Variants in CAPN8 observed in about 807,000 individuals in gnomAD.
CAPN8 encodes the protein calpain 8, also known as calpain-8.
CAPN8 carries 87 observed loss-of-function variants against 80.9 expected under a neutral mutation model. That is an observed-to-expected ratio of 1.07 (90% CI 0.90 to 1.28). The LOEUF is 1.28. CAPN8 is among the 50% of genes most tolerant of loss of function. The pLI is 0.00. For missense variants in CAPN8, 757 were observed against 702.0 expected (o/e 1.08, Z -0.89); for synonymous variants, 299 against 273.8 (o/e 1.09, Z -0.91).
At chr1:223,657,530 G>A (rs954827458) in intron 1 of CAPN8, among the ~76,000 whole-genome samples, 3 of 152,096 alleles carry the variant, frequency 2.0e-5, no homozygotes, top group South Asian at 2.1e-4. Flanking sequence ...ACTTTGAGAG[G>A]CCAAAGTGTG....
chr1:223,617,403 A>G (rs2102702711), intron 9 of CAPN8: 3 of 151,684 alleles, frequency 2.0e-5, no homozygotes, highest in Non-Finnish European at 4.4e-5. Context: ...CCCATAGGAG[A>G]TGGAAAAAAA....
chr1:223,642,381 A>G (rs2102725931), intron 2 of CAPN8, among the ~76,000 whole-genome samples: 1 of 152,316 alleles, frequency 6.6e-6, no homozygotes, highest in East Asian at 1.9e-4. Context: ...TACATATAAT[A>G]AGGCACACTA....
chr1:223,665,184 T>C (rs923207320), intron 1 of CAPN8, among the ~76,000 whole-genome samples: 2 of 151,464 alleles, frequency 1.3e-5, no homozygotes, highest in Non-Finnish European at 2.9e-5. Context: ...ACCCAGGAGG[T>C]AGAGGTTGCA....
chr1:223,556,291 G>A (rs1312265875), intron 13 of CAPN8, among the ~76,000 whole-genome samples: 3 of 152,178 alleles, frequency 2.0e-5, no homozygotes, highest in Non-Finnish European at 4.4e-5. Context: ...GACATTATCT[G>A]TGTATTCTGG....
At chr1:223,632,367 G>GGTTTT (rs71572867) in intron 2 of CAPN8, among the ~76,000 whole-genome samples, 3,564 of 151,650 alleles carry the variant, frequency 0.024, 129 homozygotes, top group African/African-American at 0.08. Flanking sequence ...TTGGAGCATA[G>GGTTTT]GTTTTGTTTT....
rs1657175762 is a variant in CAPN8, at chr1:223,616,127, G to T, written c.1154C>A (p.Pro385His). The T allele has an allele frequency of 3.2e-6, 5 of 1,551,392 alleles. No individual in the cohort carries two copies. The highest frequency in any genetic ancestry group is 4.4e-6 in the Non-Finnish European group (5 of 1,146,760). Residue 385 changes from proline (P) to histidine (H), a missense_variant, in exon 10 of 21, where the codon CCC becomes CAC. Physicochemically the swap from Pro to His is moderately conservative, Grantham distance 77. Transcript: ENST00000366872. ...TTCATCCAAACGGATTTTGAACTGG[G>T]GATTGGTCCAGTACGTGGCTGGAAG... is the stretch of plus-strand genomic sequence containing the variant. ...QNYPATYWTN[P>H]QFKIRLDEVD...
At position 223,628,051 on chromosome 1, in the gene CAPN8, C is replaced by T; in HGVS notation, c.518G>A (p.Gly173Asp). 6.4e-7 allele frequency: 1 copy of T among 1,551,238 alleles called. No homozygotes were observed. The highest frequency in any genetic ancestry group is 8.7e-7 in the Non-Finnish European group (1 of 1,146,720). Residue 173 changes from glycine to aspartate, a missense_variant, in exon 4 of 21, where the codon GGC (glycine) becomes GAC (aspartate). By Grantham distance (94) the Gly-to-Asp change is moderately conservative. Coordinates refer to ENST00000366872, the MANE Select transcript of CAPN8 (RefSeq NM_001143962.2). ...GQLLFLHSEQGNEFWSALLEK... is the reference protein window; with the variant it reads ...GQLLFLHSEQDNEFWSALLEK... ...CAGCAGGGCACTCCAGAATTCATTG[C>T]CTTGTTCCGAGTGTAGGAAGAGCAG... is the stretch of plus-strand genomic sequence containing the variant.
At chr1:223,652,693 G>T (rs1471488296) in intron 2 of CAPN8, among the ~76,000 whole-genome samples, 1 of 152,068 alleles carries the variant, frequency 6.6e-6, no homozygotes, top group Non-Finnish European at 1.5e-5. Flanking sequence ...ACTGGCAAAG[G>T]CTCAGTCTGC....
At chr1:223,625,755 C>G in intron 6 of CAPN8, 50 bp downstream of exon 6, 2 of 1,473,766 alleles carry the variant, frequency 1.4e-6, no homozygotes, top group Non-Finnish European at 1.9e-6. Flanking sequence ...GGCTTGGATT[C>G]ATGGAAATAT....
chr1:223,620,445 G>A (rs34961910), intron 7 of CAPN8, among the ~76,000 whole-genome samples, 179 bp from the exon 8 acceptor site: 5 of 152,188 alleles, frequency 3.3e-5, no homozygotes, highest in Non-Finnish European at 5.9e-5. Flanking sequence ...AAGGGACACA[G>A]ACCCAGGACA....
chr1:223,662,037 TATTATG>T (rs1658658752), intron 1 of CAPN8, among the ~76,000 whole-genome samples: 1 of 152,250 alleles, frequency 6.6e-6, no homozygotes. Flanking sequence ...ATCTTGAGGA[TATTATG>T]CTAAGTGAGT....
At chr1:223,630,901 C>T (rs1183385765) in intron 2 of CAPN8, among the ~76,000 whole-genome samples, 1 of 152,108 alleles carries the variant, frequency 6.6e-6, no homozygotes, top group African/African-American at 2.4e-5. Context: ...ACACAGTGTC[C>T]TCCTCCCACC....
chr1:223,655,196 G>A (rs1316381643), intron 1 of CAPN8, among the ~76,000 whole-genome samples: 2 of 152,200 alleles, frequency 1.3e-5, no homozygotes, highest in South Asian at 2.1e-4. Context: ...GTGGGCACTC[G>A]TTAAAGTCTT....
At chr1:223,649,289 C>T (rs1436141598) in intron 2 of CAPN8, among the ~76,000 whole-genome samples, 9 of 152,238 alleles carry the variant, frequency 5.9e-5, no homozygotes, top group African/African-American at 1.7e-4. Flanking sequence ...CCTGTGGATG[C>T]ACTCAGGTAA....
At chr1:223,612,097 C>T in intron 11 of CAPN8, 149 bp downstream of exon 11, 1 of 557,554 alleles carries the variant, frequency 1.8e-6, no homozygotes, top group Non-Finnish European at 2.7e-6. Flanking sequence ...TACCAGCCTA[C>T]TCATGTGGTT....
intron 2 of CAPN8, among the ~76,000 whole-genome samples, chr1:223,642,311 G>A (rs371815657): frequency 9.7e-4 from 148 of 152,272 alleles, no homozygotes; most frequent in African/African-American, 3.4e-3. Flanking sequence ...CAATGGTAAC[G>A]TGACTCATTT....
intron 2 of CAPN8, among the ~76,000 whole-genome samples, chr1:223,643,186 C>T (rs1360559692): frequency 3.3e-5 from 5 of 152,206 alleles, no homozygotes; most frequent in African/African-American, 1.2e-4. Context: ...CCAGCCATGG[C>T]TGAAATACAC....
intron 2 of CAPN8, among the ~76,000 whole-genome samples, chr1:223,643,069 G>A (rs1469380162): frequency 1.3e-5 from 2 of 152,222 alleles, no homozygotes; most frequent in Non-Finnish European, 2.9e-5. Flanking sequence ...TGCTTACTGA[G>A]TTTAATTATA....
At chr1:223,635,655 C>T (rs1246593463) in intron 2 of CAPN8, among the ~76,000 whole-genome samples, 2 of 126,554 alleles carry the variant, frequency 1.6e-5, no homozygotes, top group Non-Finnish European at 3.3e-5. Flanking sequence ...TGACTGAATT[C>T]ACCTCAGTGT....
Sources: allele counts gnomAD v4.1 joint callset (sites outside exome capture counted in the v4.1 genomes callset), GRCh38; gene constraint gnomAD v4.1.1; transcripts MANE v1.5; gene names NCBI Gene and HGNC (gene_info 2026-07-23, HGNC 2026-07-21).